Variants in ECT2L observed in about 807,000 individuals in gnomAD.
ECT2L encodes the protein epithelial cell-transforming sequence 2 oncogene-like.
A neutral mutation model predicts 122.8 loss-of-function variants in ECT2L; 126 were observed. The observed-to-expected ratio is 1.03, with a 90% CI of 0.89 to 1.19. The LOEUF is 1.19. Ranked by LOEUF, ECT2L falls within the 50% of genes most tolerant of loss-of-function variation. The probability of loss-of-function intolerance (pLI) is 0.00; values close to 1 mark genes in which losing one functional copy is unlikely to be tolerated. For missense variants in ECT2L, 1,012 were observed against 1,064.1 expected (o/e 0.95, Z 0.68); for synonymous variants, 385 against 381.8 (o/e 1.01, Z -0.10).
At chr6:138,886,773 C>T (rs1188831) in intron 18 of ECT2L, 84 bp from the exon 19 acceptor site, 568,517 of 939,370 alleles carry the variant, frequency 0.61, 175,965 homozygotes, top group Admixed American at 0.66. Flanking sequence ...CTGTATCAAG[C>T]GCCATAAAAT....
chr6:138,805,349 A>T (rs60059009), intron 1 of ECT2L, among the ~76,000 whole-genome samples: 2 of 152,160 alleles, frequency 1.3e-5, no homozygotes, highest in African/African-American at 4.8e-5. Flanking sequence ...TTATTCTAGA[A>T]ATAACGCCAA....
At chr6:138,821,951 A>G (rs7773177) in intron 4 of ECT2L, among the ~76,000 whole-genome samples, 34,573 of 152,220 alleles carry the variant, frequency 0.23, 4,279 homozygotes, top group Middle Eastern at 0.29. Context: ...GGAGCAGGAA[A>G]AGACACAGGG....
At chr6:138,833,425 T>C (rs1482574643) in intron 4 of ECT2L, among the ~76,000 whole-genome samples, 1 of 152,164 alleles carries the variant, frequency 6.6e-6, no homozygotes, top group African/African-American at 2.4e-5. Context: ...AGAAGACGAA[T>C]TGTTGGATCC....
At chr6:138,854,234 G>A (rs1777541581) in intron 10 of ECT2L, 80 bp downstream of exon 10, 32 of 1,429,232 alleles carry the variant, frequency 2.2e-5, no homozygotes, top group Non-Finnish European at 2.8e-5. Flanking sequence ...AAGTGCCCCT[G>A]GGTCAAATGA....
intron 1 of ECT2L, among the ~76,000 whole-genome samples, chr6:138,800,387 T>G (rs970648810): frequency 2.0e-5 from 3 of 152,214 alleles, no homozygotes; most frequent in African/African-American, 7.2e-5. Context: ...AGAGTTTGGT[T>G]TTATACACTA....
At chr6:138,828,481 T>C (rs1211433768) in intron 4 of ECT2L, among the ~76,000 whole-genome samples, 1 of 152,188 alleles carries the variant, frequency 6.6e-6, no homozygotes, top group Non-Finnish European at 1.5e-5. Context: ...TTTGATTTTT[T>C]TCATAAGAAT....
In ECT2L at chr6:138,854,250, T is replaced by A. The variant is rs1178825574; in HGVS notation, c.1198+96T>A. ...AGTGCCCCTGGGTCAAATGATTCAG[T>A]CACATTTCACGCTTCAATTTCTTTT... On this transcript the variant is annotated intron_variant, in intron 10 of 21. Coordinates refer to ENST00000541398, the MANE Select transcript of ECT2L (RefSeq NM_001077706.3). 1.2e-5 allele frequency: 16 copies of A among 1,360,520 alleles called. No individual in the cohort carries two copies. In the South Asian group the frequency reaches 2.2e-4, roughly 19 times the overall value. 84.3% of individuals were successfully genotyped at this position (1,360,520 alleles called of 1,614,324 possible). A position where few individuals can be genotyped will look rare whatever the true frequency, so the allele number is the denominator to read the frequency against.
intron 20 of ECT2L, among the ~76,000 whole-genome samples, chr6:138,899,984 A>G (rs1023592517): frequency 7.2e-5 from 11 of 152,224 alleles, no homozygotes; most frequent in Admixed American, 6.5e-5. Context: ...AGCAAAGAGG[A>G]TAACAGATGG....
chr6:138,864,585 C>CGATG (rs1655251639), intron 11 of ECT2L, among the ~76,000 whole-genome samples: 1 of 152,152 alleles, frequency 6.6e-6, no homozygotes, highest in Non-Finnish European at 1.5e-5. Context: ...CTTCCATTGG[C>CGATG]GATGACAGGG....
intron 20 of ECT2L, among the ~76,000 whole-genome samples, chr6:138,899,585 A>C (rs1772890613): frequency 6.6e-6 from 1 of 152,146 alleles, no homozygotes; most frequent in African/African-American, 2.4e-5. Flanking sequence ...CACTAAATAA[A>C]AGCCAATAGC....
At chr6:138,813,442 T>A in intron 3 of ECT2L, 102 bp downstream of exon 3, 1 of 859,962 alleles carries the variant, frequency 1.2e-6, no homozygotes, top group Non-Finnish European at 1.8e-6. Context: ...AAAAACTCTC[T>A]AAAGAATTTA....
intron 15 of ECT2L, among the ~76,000 whole-genome samples, chr6:138,882,156 T>C (rs1246352283): frequency 6.6e-6 from 1 of 152,208 alleles, no homozygotes; most frequent in African/African-American, 2.4e-5. Context: ...CATTTCTGCC[T>C]GTGGTAAAAG....
chr6:138,882,689 G>C, intron 15 of ECT2L, 35 bp from the exon 16 acceptor site: 1 of 1,608,538 alleles, frequency 6.2e-7, no homozygotes, highest in Non-Finnish European at 8.5e-7. Flanking sequence ...TATCACAAGT[G>C]AATATTTCAT....
chr6:138,885,760 A>G lies in ECT2L; in HGVS notation c.2189A>G (p.Glu730Gly). The G allele has an allele frequency of 6.2e-7, 1 of 1,614,208 alleles. No individual in the cohort carries two copies. The highest frequency in any genetic ancestry group is 2.2e-5 in the East Asian group (1 of 44,886). ...LYAVRLHTPA[E>G]HVDRGDLTTA... ...GCTGTCAGGCTTCATACCCCTGCAG[A>G]GCATGTTGACCGTGGGGACTTGACC... is the stretch of plus-strand genomic sequence containing the variant. The change falls in exon 18 of 22, where the codon GAG (glutamate) becomes GGG (glycine). Residue 730 changes from glutamate (E) to glycine (G), a missense_variant. Coordinates refer to ENST00000541398, the MANE Select transcript of ECT2L (RefSeq NM_001077706.3).
intron 1 of ECT2L, among the ~76,000 whole-genome samples, chr6:138,811,714 T>C (rs1041686412): frequency 3.3e-5 from 5 of 152,116 alleles, no homozygotes; most frequent in African/African-American, 1.2e-4. Flanking sequence ...CTGTCAGTGA[T>C]GGATGTCAGT....
chr6:138,875,850 G>A (rs902787943), intron 13 of ECT2L, among the ~76,000 whole-genome samples: 24 of 152,224 alleles, frequency 1.6e-4, no homozygotes, highest in Non-Finnish European at 3.2e-4. Flanking sequence ...GCCAGACTTG[G>A]TGGCTCATGC....
rs369668700 is a variant in ECT2L, at chr6:138,844,673, G to T, written c.764+93G>T. The T allele has an allele frequency of 7.5e-6, 9 of 1,200,268 alleles. No individual in the cohort carries two copies. The South Asian group carries it at 8.8e-5, about 12-fold the overall frequency. 74.4% of individuals were successfully genotyped at this position (1,200,268 alleles called of 1,614,324 possible). On this transcript the variant is annotated intron_variant, in intron 7 of 21. Transcript: ENST00000541398. ...TTTAGCTATCACGCAGAAATCTTGT[G>T]TAATTCTGTGGCTCATATCCTATGA... is the stretch of plus-strand genomic sequence containing the variant.
At chr6:138,804,153 CCTCT>C (rs1196880977) in intron 1 of ECT2L, among the ~76,000 whole-genome samples, 3 of 152,174 alleles carry the variant, frequency 2.0e-5, no homozygotes, top group Non-Finnish European at 1.5e-5. Flanking sequence ...CCAAAATCTT[CCTCT>C]CTGACATCAT....
intron 18 of ECT2L, among the ~76,000 whole-genome samples, chr6:138,886,418 T>C (rs76184405): frequency 1.3e-5 from 2 of 152,136 alleles, no homozygotes; most frequent in Non-Finnish European, 2.9e-5. Flanking sequence ...ATTTTTTTTT[T>C]CTTTTTTGAG....
Sources: allele counts gnomAD v4.1 joint callset (sites outside exome capture counted in the v4.1 genomes callset), GRCh38; gene constraint gnomAD v4.1.1; transcripts MANE v1.5; gene names NCBI Gene and HGNC (gene_info 2026-07-23, HGNC 2026-07-21).